RASAL2: variants seen among roughly 807,000 people sequenced by gnomAD.
RASAL2 encodes the protein RAS protein activator like 2, also known as ras GTPase-activating protein nGAP.
A neutral mutation model predicts 128.9 loss-of-function variants in RASAL2; 58 were observed. The ratio of observed to expected loss-of-function variants is 0.45; its 90% CI spans 0.36 to 0.56. The LOEUF (loss-of-function observed/expected upper bound fraction) is 0.56, where lower values mean the gene tolerates loss of function less well. RASAL2 is among the 20% of genes least tolerant of loss of function. The probability of loss-of-function intolerance (pLI) is 0.00; values close to 1 mark genes in which losing one functional copy is unlikely to be tolerated. For missense variants in RASAL2, 1,360 were observed against 1,601.6 expected, an observed-to-expected ratio of 0.85 and a Z score of 2.57; for synonymous variants, 561 against 580.8, an observed-to-expected ratio of 0.97 and a Z score of 0.49.
chr1:178,465,327 T>A (rs1647561992), intron 15 of RASAL2, among the ~76,000 whole-genome samples: 1 of 152,166 alleles, frequency 6.6e-6, no homozygotes, highest in Non-Finnish European at 1.5e-5. Context: ...CAATAACCTC[T>A]GCCATGAAAG....
chr1:178,248,663 T>G (rs1314300112), intron 1 of RASAL2, among the ~76,000 whole-genome samples: 3 of 152,212 alleles, frequency 2.0e-5, no homozygotes, highest in Admixed American at 6.5e-5. Flanking sequence ...TTTGTTATGT[T>G]TTTGCAGTAA....
chr1:178,345,585 A>G (rs890853565), intron 3 of RASAL2, among the ~76,000 whole-genome samples: 3 of 152,142 alleles, frequency 2.0e-5, no homozygotes, highest in African/African-American at 7.2e-5. Flanking sequence ...CTGGTTTGTA[A>G]CTTTTTTGCT....
chr1:178,400,907 C>T (rs930383129), intron 4 of RASAL2, among the ~76,000 whole-genome samples: 9 of 152,138 alleles, frequency 5.9e-5, no homozygotes, highest in Non-Finnish European at 8.8e-5. Context: ...CATGCCACCA[C>T]GCCTGGCTAA....
chr1:178,211,691 G>C (rs1465584264), intron 1 of RASAL2, among the ~76,000 whole-genome samples: 1 of 152,056 alleles, frequency 6.6e-6, no homozygotes, highest in Non-Finnish European at 1.5e-5. Flanking sequence ...CCCTCCTCCT[G>C]TAAAACCTAG....
intron 3 of RASAL2, among the ~76,000 whole-genome samples, chr1:178,379,631 CA>C (rs1422355738): frequency 6.6e-6 from 1 of 152,064 alleles, no homozygotes; most frequent in African/African-American, 2.4e-5. Flanking sequence ...AATTTAAAAG[CA>C]AAAAGTACCT....
intron 9 of RASAL2, among the ~76,000 whole-genome samples, chr1:178,445,899 A>C (rs1404111575): frequency 6.6e-6 from 1 of 152,166 alleles, no homozygotes; most frequent in South Asian, 2.1e-4. Flanking sequence ...CCCCAGCTTC[A>C]TGATTCCAGG....
At chr1:178,298,438 A>G (rs188699348) in intron 2 of RASAL2, among the ~76,000 whole-genome samples, 1 of 152,314 alleles carries the variant, frequency 6.6e-6, no homozygotes, top group Non-Finnish European at 1.5e-5. Context: ...GAGTATGAAA[A>G]TTTGAAGTGC....
intron 17 of RASAL2, among the ~76,000 whole-genome samples, chr1:178,469,848 A>G (rs1648098689): frequency 6.6e-6 from 1 of 152,244 alleles, no homozygotes; most frequent in Admixed American, 6.5e-5. Context: ...ATATTACTAT[A>G]TAATAAATTA....
At chr1:178,326,774 C>T (rs1223041602) in intron 3 of RASAL2, among the ~76,000 whole-genome samples, 1 of 152,074 alleles carries the variant, frequency 6.6e-6, no homozygotes. Context: ...GAACTCCCGA[C>T]CTCAGGTGAT....
At chr1:178,241,911 A>G (rs1664514941) in intron 1 of RASAL2, among the ~76,000 whole-genome samples, 1 of 152,158 alleles carries the variant, frequency 6.6e-6, no homozygotes, top group African/African-American at 2.4e-5. Flanking sequence ...TTCTCTTGCT[A>G]TGGTGGTGTT....
At chr1:178,300,316 A>T (rs1667710880) in intron 3 of RASAL2, among the ~76,000 whole-genome samples, 198 bp downstream of exon 3, 1 of 152,226 alleles carries the variant, frequency 6.6e-6, no homozygotes, top group South Asian at 2.1e-4. Context: ...TTTAAAGAGA[A>T]AGACTTTATG....
intron 1 of RASAL2, among the ~76,000 whole-genome samples, chr1:178,177,814 T>A (rs1456878097): frequency 6.6e-6 from 1 of 152,178 alleles, no homozygotes; most frequent in Admixed American, 6.5e-5. Flanking sequence ...TATAAATAAC[T>A]AACTTAAATG....
chr1:178,283,552 T>G lies in RASAL2; in HGVS notation c.203-12T>G. 1.2e-6 allele frequency: 2 copies of G among 1,603,844 alleles called. No homozygotes were observed. Among genetic ancestry groups the G allele is most frequent in the Non-Finnish European group, 1.7e-6 (2 of 1,175,916 alleles). On this transcript the variant is annotated splice_polypyrimidine_tract_variant and intron_variant, in intron 1 of 17. Transcript: ENST00000367649. ...TGATTTGTCACTTTTGTTTTTCCCT[T>G]TTCTCATGCAGATGTGAAAGGACCA...
chr1:178,153,450 G>T (rs1305823593), intron 1 of RASAL2, among the ~76,000 whole-genome samples: 1 of 152,154 alleles, frequency 6.6e-6, no homozygotes, highest in Non-Finnish European at 1.5e-5. Flanking sequence ...TAAACTTTGT[G>T]CCTATTTATA....
chr1:178,346,346 A>G (rs181742107), intron 3 of RASAL2, among the ~76,000 whole-genome samples: 68 of 152,102 alleles, frequency 4.5e-4, no homozygotes, highest in African/African-American at 1.6e-3. Context: ...GACTGCAGTG[A>G]GCTATGGTCA....
chr1:178,433,821 G>A (rs1676081262), intron 5 of RASAL2, among the ~76,000 whole-genome samples: 2 of 151,932 alleles, frequency 1.3e-5, no homozygotes, highest in Non-Finnish European at 2.9e-5. Flanking sequence ...GGAAGTTGAG[G>A]CACCAGAATC....
At position 178,452,396 on chromosome 1, in the gene RASAL2, G is replaced by A. The variant is rs758592880; in HGVS notation, c.1773-20G>A. On this transcript the variant is annotated intron_variant, in intron 10 of 17. Coordinates refer to ENST00000367649, the MANE Select transcript of RASAL2 (RefSeq NM_170692.4). ...GGTACTTCTGTGTTTAGAGGTTTTGGTACTTCTTTCCTTCCCTAGTGTTTT... is the reference window on the plus strand; with the variant it reads ...GGTACTTCTGTGTTTAGAGGTTTTGATACTTCTTTCCTTCCCTAGTGTTTT... 5 of 1,601,090 alleles carry A rather than the reference G, an allele frequency of 3.1e-6. No individual in the cohort carries two copies. Among genetic ancestry groups the A allele is most frequent in the Admixed American group, 3.3e-5 (2 of 59,990 alleles).
intron 1 of RASAL2, among the ~76,000 whole-genome samples, chr1:178,200,008 T>G (rs1662807561): frequency 6.6e-6 from 1 of 152,222 alleles, no homozygotes; most frequent in African/African-American, 2.4e-5. Context: ...TCCAGGTTCT[T>G]GAGCTCTGGG....
chr1:178,327,967 T>C (rs1430351120), intron 3 of RASAL2, among the ~76,000 whole-genome samples: 1 of 152,056 alleles, frequency 6.6e-6, no homozygotes, highest in Non-Finnish European at 1.5e-5. Flanking sequence ...CCACCAGAAA[T>C]AGGAAGAGGC....
Sources: allele counts gnomAD v4.1 joint callset (sites outside exome capture counted in the v4.1 genomes callset), GRCh38; gene constraint gnomAD v4.1.1; transcripts MANE v1.5; gene names NCBI Gene and HGNC (gene_info 2026-07-23, HGNC 2026-07-21).